RNASE10: variants seen among roughly 807,000 people sequenced by gnomAD.
RNASE10 encodes the protein inactive ribonuclease-like protein 10.
A neutral mutation model predicts 1.1 loss-of-function variants in RNASE10; 2 were observed. That is an observed-to-expected ratio of 1.82 (90% confidence interval 0.74 to 5.73). The LOEUF is 5.73. Ranked by LOEUF, RNASE10 falls within the 30% of genes most tolerant of loss-of-function variation. The probability of loss-of-function intolerance (pLI) is 0.05; values close to 1 mark genes in which losing one functional copy is unlikely to be tolerated. For synonymous variants in RNASE10, 97 were observed against 96.2 expected (o/e 1.01, Z -0.05); for missense variants, 276 against 263.4 (o/e 1.05, Z -0.33).
At chr14:20,505,325 C>T (rs1254629125), upstream of RNASE10, among the ~76,000 whole-genome samples, 2 of 72,668 alleles carry the variant, frequency 2.8e-5, no homozygotes, top group African/African-American at 1.3e-4. Flanking sequence ...TCTCCCTCTC[C>T]CTCCACGGTC....
intron 1 of RNASE10, among the ~76,000 whole-genome samples, chr14:20,506,275 C>T (rs1274423261): frequency 2.4e-5 from 3 of 126,624 alleles, no homozygotes; most frequent in Non-Finnish European, 5.1e-5. Context: ...GTGAGGAGCC[C>T]ATCTGCCCGG....
chr14:20,506,605 C>T (rs1882729625), intron 1 of RNASE10, among the ~76,000 whole-genome samples: 1 of 102,952 alleles, frequency 9.7e-6, no homozygotes. Context: ...CCGCCCAGTC[C>T]GGGAGGGAGG....
At chr14:20,510,388 G>C in intron 1 of RNASE10, 79 bp from the exon 2 acceptor site, 2 of 1,532,394 alleles carry the variant, frequency 1.3e-6, no homozygotes, top group Non-Finnish European at 1.7e-6. Flanking sequence ...ATGCTGTAGG[G>C]CTTAGTGAGA....
intron 1 of RNASE10, among the ~76,000 whole-genome samples, chr14:20,507,418 T>A (rs879392778): frequency 1.3e-3 from 178 of 133,820 alleles, no homozygotes; most frequent in Non-Finnish European, 2.0e-3. Flanking sequence ...GAAGGCAGCA[T>A]GCTCGTTAAG....
At chr14:20,510,688 A>G (rs1882875900) in exon 2 of RNASE10, 28 of 1,614,248 alleles carry the variant, frequency 1.7e-5, no homozygotes, top group Non-Finnish European at 2.2e-5. Context: ...GCTTAGCAAC[A>G]AAGAAGTGGT....
chr14:20,505,321 T>G (rs1425200382), upstream of RNASE10, among the ~76,000 whole-genome samples: 1 of 76,154 alleles, frequency 1.3e-5, no homozygotes, highest in Non-Finnish European at 2.4e-5. Context: ...TCCCTCTCCC[T>G]CTCCCTCCAC....
exon 2 of RNASE10, chr14:20,510,657 C>T: frequency 1.2e-6 from 2 of 1,614,156 alleles, no homozygotes; most frequent in South Asian, 2.2e-5. Flanking sequence ...GAGACGGCAC[C>T]CAAACCACAG....
chr14:20,512,915 G>A (rs1022862845), downstream of RNASE10, among the ~76,000 whole-genome samples: 1 of 152,162 alleles, frequency 6.6e-6, no homozygotes, highest in African/African-American at 2.4e-5. Context: ...TGGGAAGAGG[G>A]GAAAGAAGAA....
chr14:20,513,230 T>C (rs181885771), downstream of RNASE10, among the ~76,000 whole-genome samples: 3 of 136,406 alleles, frequency 2.2e-5, no homozygotes, highest in African/African-American at 1.1e-4. Flanking sequence ...TTTGTTTTTG[T>C]TTTTTTTGTT....
chr14:20,509,239 G>A (rs1033993513), intron 1 of RNASE10, among the ~76,000 whole-genome samples: 1 of 152,206 alleles, frequency 6.6e-6, no homozygotes, highest in Non-Finnish European at 1.5e-5. Context: ...AGTAGAGATG[G>A]GGTTTCACCA....
At chr14:20,506,863 G>A (rs1882746009) in intron 1 of RNASE10, among the ~76,000 whole-genome samples, 3 of 127,836 alleles carry the variant, frequency 2.3e-5, no homozygotes, top group East Asian at 2.4e-4. Flanking sequence ...GAGGTGAGGG[G>A]CGCCTCTGCC....
chr14:20,509,677 G>A (rs1882845157), intron 1 of RNASE10, among the ~76,000 whole-genome samples: 1 of 152,114 alleles, frequency 6.6e-6, no homozygotes, highest in Non-Finnish European at 1.5e-5. Context: ...AAGCAAATTT[G>A]GGTTAAAAAT....
rs1260351054 is a variant in RNASE10, at chr14:20,505,670, C to T, written c.-271C>T. ...GCGTGATCTCAGCTCGCTACAACCTCCATCTCCCAGCCGCCTGCCTTGGCC... is the reference window on the plus strand; with the variant it reads ...GCGTGATCTCAGCTCGCTACAACCTTCATCTCCCAGCCGCCTGCCTTGGCC... On this transcript the variant is annotated 5_prime_UTR_variant, in exon 1 of 2. Coordinates refer to ENST00000430083, the Ensembl canonical transcript of RNASE10. 5 of 97,006 alleles carry T rather than the reference C, an allele frequency of 5.2e-5. 1 individual carries two copies. Among genetic ancestry groups the T allele is most frequent in the African/African-American group, 1.7e-4 (2 of 11,932 alleles). 6.0% of individuals were successfully genotyped at this position (97,006 alleles called of 1,614,324 possible). A position where few individuals can be genotyped will look rare whatever the true frequency, so the allele number is the denominator to read the frequency against.
chr14:20,512,824 A>G (rs181610543), downstream of RNASE10, among the ~76,000 whole-genome samples: 1 of 152,288 alleles, frequency 6.6e-6, no homozygotes, highest in Non-Finnish European at 1.5e-5. Flanking sequence ...GCAGATTCCT[A>G]TGCTTCCTGA....
At chr14:20,504,350 GT>G, upstream of RNASE10, among the ~76,000 whole-genome samples, 1 of 152,300 alleles carries the variant, frequency 6.6e-6, no homozygotes, top group Admixed American at 6.5e-5. Context: ...ATGCATGTAC[GT>G]AAGTCACAGA....
downstream of RNASE10, among the ~76,000 whole-genome samples, chr14:20,512,838 C>T (rs189532170): frequency 1.2e-4 from 19 of 152,036 alleles, no homozygotes; most frequent in African/African-American, 4.1e-4. Context: ...TTCCTGAGGG[C>T]GAATCCCTCT....
At chr14:20,513,131 G>C (rs770826645), downstream of RNASE10, among the ~76,000 whole-genome samples, 1 of 152,054 alleles carries the variant, frequency 6.6e-6, no homozygotes, top group Non-Finnish European at 1.5e-5. Flanking sequence ...TAAGCGTTCC[G>C]GCACTGTTTG....
chr14:20,506,801 C>T (rs1399981331), intron 1 of RNASE10, among the ~76,000 whole-genome samples: 15 of 123,128 alleles, frequency 1.2e-4, no homozygotes, highest in East Asian at 5.1e-4. Flanking sequence ...CCGCCCCGTC[C>T]GGGAGGGAGG....
At position 20,505,756 on chromosome 14, in the gene RNASE10, C is replaced by T. The variant is rs1353255925; in HGVS notation, c.-185C>T. On this transcript the variant is annotated 5_prime_UTR_variant, in exon 1 of 2. Coordinates refer to ENST00000430083, the Ensembl canonical transcript of RNASE10. ...GCCACCCCGTCTGGGAAGTGAGGAG[C>T]GTCTCTGCCTGGCCGCCCATCGTCT... 66 of 104,194 alleles carry T rather than the reference C, an allele frequency of 6.3e-4. 8 individuals carry two copies. The highest frequency in any genetic ancestry group is 6.3e-3 in the South Asian group (29 of 4,612). 6.5% of individuals were successfully genotyped at this position (104,194 alleles called of 1,614,324 possible).
Sources: gnomAD v4.1 joint callset for allele counts (sites outside exome capture counted in the v4.1 genomes callset) on GRCh38, gnomAD v4.1.1 for gene constraint, MANE v1.5 for transcripts, NCBI Gene and HGNC (gene_info 2026-07-23, HGNC 2026-07-21) for gene names.